The following DDX52 variants were observed in gnomAD, a reference collection of about 807,000 sequenced individuals.
The protein encoded by DDX52 is DExD-box helicase 52, also known as probable ATP-dependent RNA helicase DDX52.
In DDX52, 59 loss-of-function variants were observed where a neutral mutation model predicts 76.1. That is an observed-to-expected ratio of 0.78 (90% confidence interval 0.63 to 0.96). The LOEUF (loss-of-function observed/expected upper bound fraction) is 0.96. DDX52 is among the 40% of genes least tolerant of loss of function. DDX52 has a pLI of 0.00. For missense variants in DDX52, 707 were observed against 703.9 expected (o/e 1.00, Z -0.05); for synonymous variants, 231 against 244.1 (o/e 0.95, Z 0.50).
chr17:37,629,987 A>T, intron 5 of DDX52, 43 bp downstream of exon 5: 1 of 1,567,118 alleles, frequency 6.4e-7, no homozygotes, highest in Non-Finnish European at 8.6e-7. Context: ...AGATCACTGA[A>T]GTAAAAACCA....
intron 9 of DDX52, among the ~76,000 whole-genome samples, chr17:37,623,761 C>A (rs1443647877): frequency 6.6e-6 from 1 of 152,128 alleles, no homozygotes; most frequent in African/African-American, 2.4e-5. Flanking sequence ...ACTCTTTAGC[C>A]CTTTATGACA....
intron 6 of DDX52, among the ~76,000 whole-genome samples, 166 bp from the exon 7 acceptor site, chr17:37,627,026 T>C (rs1226052410): frequency 6.6e-6 from 1 of 152,134 alleles, no homozygotes; most frequent in African/African-American, 2.4e-5. Flanking sequence ...TCTGAGCAGC[T>C]TTCTCTTTCT....
intron 2 of DDX52, among the ~76,000 whole-genome samples, chr17:37,633,688 T>G (rs1477948446): frequency 6.6e-6 from 1 of 151,298 alleles, no homozygotes; most frequent in Non-Finnish European, 1.5e-5. Flanking sequence ...GGTTTTAATC[T>G]TGGATGTATG....
At chr17:37,619,284 CAGG>C (rs1209259543) in intron 13 of DDX52, among the ~76,000 whole-genome samples, 1 of 152,098 alleles carries the variant, frequency 6.6e-6, no homozygotes, top group Admixed American at 6.5e-5. Context: ...GAGGCTGAAG[CAGG>C]AGAACTGCTT....
intron 2 of DDX52, among the ~76,000 whole-genome samples, chr17:37,638,656 A>G (rs1291596700): frequency 6.6e-6 from 1 of 152,244 alleles, no homozygotes; most frequent in Non-Finnish European, 1.5e-5. Context: ...AGACATCTGA[A>G]AAAAATTTTA....
At chr17:37,631,895 T>C in intron 4 of DDX52, 1 of 583,630 alleles carries the variant, frequency 1.7e-6, no homozygotes, top group Admixed American at 3.2e-5. Context: ...AACTGCAGTG[T>C]GGGGGAAAGG....
chr17:37,641,505 A>C (rs1046657309), intron 2 of DDX52, among the ~76,000 whole-genome samples: 1 of 152,158 alleles, frequency 6.6e-6, no homozygotes, highest in Non-Finnish European at 1.5e-5. Context: ...TTGGGGGGCC[A>C]AAGCGGGCGG....
intron 13 of DDX52, among the ~76,000 whole-genome samples, chr17:37,618,630 C>T (rs1032528087): frequency 1.3e-5 from 2 of 152,220 alleles, no homozygotes; most frequent in Middle Eastern, 6.8e-3. Context: ...TACAGACATA[C>T]ACCACCACGC....
Position 37,643,407 on chromosome 17 carries a change from T to A in DDX52, c.14A>T (p.Asp5Val). The change falls in exon 1 of 15, where the codon GAT (aspartate) becomes GTT (valine). Residue 5 changes from aspartate (D) to valine (V), a missense_variant. Asp to Val is a radical substitution (Grantham distance 152). Coordinates refer to ENST00000617633, the MANE Select transcript of DDX52 (RefSeq NM_007010.5). MDVH[D>V]LFRRLGAGAK... ...CCCCGCGCCGAGCCGGCGAAAGAGA[T>A]CGTGGACGTCCATCTTTACCCAGAA... The A allele has an allele frequency of 6.2e-7, 1 of 1,613,966 alleles. No homozygotes were observed. The highest frequency in any genetic ancestry group is 8.5e-7 in the Non-Finnish European group (1 of 1,179,932).
Position 37,621,507 on chromosome 17 carries a change from G to A in DDX52, c.1241C>T (p.Pro414Leu), listed in dbSNP as rs1164687647. The change falls in exon 10 of 15, where the codon CCT becomes CTT. Residue 414 changes from proline (P) to leucine (L), a missense_variant. Coordinates refer to ENST00000617633, the MANE Select transcript of DDX52 (RefSeq NM_007010.5). ...AATGGACTGAACAAAAACAAGAACA[G>A]GTGGATTGAAACCCTAAAAGAAGAC... ...RELVKKGFNPPVLVFVQSIER... is the reference protein window; with the variant it reads ...RELVKKGFNPLVLVFVQSIER... 6.2e-7 allele frequency: 1 copy of A among 1,611,702 alleles called. No homozygotes were observed. The highest frequency in any genetic ancestry group is 2.2e-5 in the East Asian group (1 of 44,788).
At chr17:37,643,139 T>TA (rs2031277380) in intron 1 of DDX52, 195 bp downstream of exon 1, 1 of 526,434 alleles carries the variant, frequency 1.9e-6, no homozygotes, top group Non-Finnish European at 3.4e-6. Context: ...ACAGGATAGT[T>TA]AAAGAGCTTA....
In DDX52 at chr17:37,611,092, G is replaced by T. The variant is rs2064345373; in HGVS notation, c.*3204C>A. 6.6e-6 allele frequency: 1 copy of T among 152,198 alleles called. No individual in the cohort carries two copies. Among genetic ancestry groups the T allele is most frequent in the South Asian group, 2.1e-4 (1 of 4,830 alleles). The allele number at this position is 152,198 out of a possible 1,614,324, so 9.4% of individuals were successfully genotyped here. ...TTTACATTTGCAGGATTCAACTCAG[G>T]ATGTCGGCCTTCCATGACATCCCCA... On this transcript the variant is annotated 3_prime_UTR_variant, in exon 15 of 15. Transcript: ENST00000617633.
chr17:37,618,430 A>T, intron 13 of DDX52, 46 bp from the exon 14 acceptor site: 1 of 1,457,618 alleles, frequency 6.9e-7, no homozygotes, highest in East Asian at 2.4e-5. Flanking sequence ...GTGCAACTTC[A>T]ATTAGAAGAG....
chr17:37,623,655 T>C (rs759109202), intron 9 of DDX52, among the ~76,000 whole-genome samples: 6 of 152,230 alleles, frequency 3.9e-5, no homozygotes, highest in South Asian at 2.1e-4. Flanking sequence ...CTGAAAATCC[T>C]TCAAGGATCA....
At chr17:37,639,481 TA>T in intron 2 of DDX52, 1 of 997,740 alleles carries the variant, frequency 1.0e-6, no homozygotes, top group Non-Finnish European at 1.2e-6. Context: ...CTCACATCTG[TA>T]ATCCCAGCAC....
chr17:37,638,770 C>CTT (rs920881727), intron 2 of DDX52, among the ~76,000 whole-genome samples: 6 of 114,796 alleles, frequency 5.2e-5, no homozygotes, highest in Non-Finnish European at 8.6e-5. Context: ...TGTTTTTTTT[C>CTT]TTTTTTTTTT....
chr17:37,620,757 C>T, intron 12 of DDX52, 116 bp downstream of exon 12: 3 of 1,064,048 alleles, frequency 2.8e-6, no homozygotes, highest in Non-Finnish European at 3.9e-6. Flanking sequence ...TCAACTAACA[C>T]CATTATCAGT....
chr17:37,621,843 TTA>T (rs1222988468), intron 9 of DDX52, among the ~76,000 whole-genome samples: 2 of 152,368 alleles, frequency 1.3e-5, no homozygotes, highest in East Asian at 3.9e-4. Context: ...AAACCTTTTT[TTA>T]TTCTGCTTAA....
intron 2 of DDX52, among the ~76,000 whole-genome samples, chr17:37,641,589 T>C (rs1041780057): frequency 2.0e-5 from 3 of 150,956 alleles, no homozygotes; most frequent in Non-Finnish European, 4.4e-5. Context: ...ATACAAAAAT[T>C]AGCTAGGCGT....
Sources: gnomAD v4.1 joint callset for allele counts (sites outside exome capture counted in the v4.1 genomes callset) on GRCh38, gnomAD v4.1.1 for gene constraint, MANE v1.5 for transcripts, NCBI Gene and HGNC (gene_info 2026-07-23, HGNC 2026-07-21) for gene names.